The following WDR64 variants were observed in gnomAD, a reference collection of about 807,000 sequenced individuals.
WDR64 encodes WD repeat-containing protein 64.
WDR64 carries 112 observed loss-of-function variants against 139.3 expected under a neutral mutation model. That is an observed-to-expected ratio of 0.80 (90% confidence interval 0.69 to 0.94). The LOEUF is 0.94. Ranked by LOEUF, WDR64 falls within the 40% of genes least tolerant of loss-of-function variation. The probability of loss-of-function intolerance (pLI) is 0.00; values close to 1 mark genes in which losing one functional copy is unlikely to be tolerated. For synonymous variants in WDR64, 444 were observed against 437.7 expected, an observed-to-expected ratio of 1.01 and a Z score of -0.18; for missense variants, 1,206 against 1,293.1, an observed-to-expected ratio of 0.93 and a Z score of 1.03.
chr1:241,742,632 A>G (rs911775727), intron 12 of WDR64, among the ~76,000 whole-genome samples: 1 of 152,156 alleles, frequency 6.6e-6, no homozygotes, highest in East Asian at 1.9e-4. Flanking sequence ...TCAAGAAGTA[A>G]CCATAAAAAT....
intron 6 of WDR64, among the ~76,000 whole-genome samples, chr1:241,680,161 T>C (rs1227452591): frequency 6.6e-6 from 1 of 152,150 alleles, no homozygotes; most frequent in Non-Finnish European, 1.5e-5. Context: ...CAGCAAATTA[T>C]ATGGTGCAAC....
chr1:241,723,984 A>T (rs1008926681), intron 10 of WDR64, among the ~76,000 whole-genome samples: 6 of 151,996 alleles, frequency 3.9e-5, no homozygotes, highest in Admixed American at 1.3e-4. Context: ...AAATAAGGAA[A>T]TAAATAAATA....
chr1:241,759,951 T>C (rs989563459), intron 15 of WDR64, among the ~76,000 whole-genome samples: 1 of 152,232 alleles, frequency 6.6e-6, no homozygotes, highest in Admixed American at 6.5e-5. Flanking sequence ...GAGGATCTCA[T>C]ATAAGCAGAA....
At chr1:241,724,688 A>T (rs1668733020) in intron 10 of WDR64, among the ~76,000 whole-genome samples, 1 of 152,238 alleles carries the variant, frequency 6.6e-6, no homozygotes, top group African/African-American at 2.4e-5. Flanking sequence ...ATAGGTGAAT[A>T]GTCTTATAAC....
At chr1:241,686,186 C>A (rs1007370948) in intron 7 of WDR64, among the ~76,000 whole-genome samples, 2 of 152,142 alleles carry the variant, frequency 1.3e-5, no homozygotes. Context: ...GATCTTCAAA[C>A]CTCACCAGAA....
intron 16 of WDR64, 93 bp from the exon 17 acceptor site, chr1:241,769,310 GA>G (rs1457765082): frequency 2.2e-5 from 20 of 914,214 alleles, no homozygotes; most frequent in Non-Finnish European, 3.3e-5. Context: ...AGCATTTGAG[GA>G]ATTGCCTAGC....
At chr1:241,696,134 A>AAAAAAAAAAAAAAAAAAAAAC (rs1667476408) in intron 8 of WDR64, among the ~76,000 whole-genome samples, 2 of 148,406 alleles carry the variant, frequency 1.3e-5, no homozygotes, top group African/African-American at 2.5e-5. Context: ...AAAAAAAAAA[A>AAAAAAAAAAAAAAAAAAAAAC]AAAAAAAGCA....
At chr1:241,771,854 T>C (rs534114314) in intron 19 of WDR64, among the ~76,000 whole-genome samples, 157 bp downstream of exon 19, 1 of 146,770 alleles carries the variant, frequency 6.8e-6, no homozygotes, top group Non-Finnish European at 1.5e-5. Flanking sequence ...TATATACGTA[T>C]ATATAATATA....
intron 9 of WDR64, among the ~76,000 whole-genome samples, chr1:241,716,081 G>A (rs1338405355): frequency 1.1e-4 from 16 of 152,100 alleles, no homozygotes; most frequent in African/African-American, 3.9e-4. Flanking sequence ...AGTAGAAAAT[G>A]CAAATTCCCA....
At position 241,775,167 on chromosome 1, in the gene WDR64, G is replaced by A. The variant is rs776327500; in HGVS notation, c.2493G>A (p.Leu831=). The A allele has an allele frequency of 4.5e-6, 7 of 1,551,008 alleles. No individual in the cohort carries two copies. Among genetic ancestry groups the A allele is most frequent in the South Asian group, 3.6e-5 (3 of 84,026 alleles). Reference sequence around the variant, plus strand: ...ATTCTGCCATTTCTCTGACATCGCTGTATACTGATTCATGTACGAGGATAC... The same window carrying A: ...ATTCTGCCATTTCTCTGACATCGCTATATACTGATTCATGTACGAGGATAC... ...TKHSAISLTS[L]YTDSCTRILL... Residue 831 remains leucine, a synonymous_variant, in exon 21 of 28, where the codon CTG becomes CTA. Coordinates refer to ENST00000437684, the MANE Select transcript of WDR64 (RefSeq NM_001367482.1).
chr1:241,779,188 T>C (rs1449736102), intron 21 of WDR64, among the ~76,000 whole-genome samples: 3 of 152,298 alleles, frequency 2.0e-5, no homozygotes, highest in Non-Finnish European at 2.9e-5. Context: ...AATATTTCAC[T>C]CCACTCTTCT....
intron 3 of WDR64, among the ~76,000 whole-genome samples, chr1:241,672,391 AG>A (rs946929098): frequency 6.6e-6 from 1 of 152,214 alleles, no homozygotes; most frequent in African/African-American, 2.4e-5. Flanking sequence ...GCCCCAGAGC[AG>A]GGGAGAAGTG....
intron 23 of WDR64, among the ~76,000 whole-genome samples, chr1:241,785,659 T>A (rs1294806160): frequency 6.6e-6 from 1 of 152,234 alleles, no homozygotes; most frequent in East Asian, 1.9e-4. Context: ...CATCTATTAA[T>A]AGCTACCTCA....
chr1:241,723,236 A>T, intron 9 of WDR64, 61 bp from the exon 10 acceptor site: 1 of 1,591,588 alleles, frequency 6.3e-7, no homozygotes, highest in Admixed American at 1.7e-5. Context: ...ACAGTGAGAG[A>T]TACATTTGAA....
rs1471975484 is a variant in WDR64, at chr1:241,757,282, G to C, written c.1771-1G>C. 5 of 1,612,016 alleles carry C rather than the reference G, an allele frequency of 3.1e-6. No homozygotes were observed. The highest frequency in any genetic ancestry group is 4.2e-6 in the Non-Finnish European group (5 of 1,179,346). On this transcript the variant is annotated splice_acceptor_variant, in intron 14 of 27. Coordinates refer to ENST00000437684, the MANE Select transcript of WDR64 (RefSeq NM_001367482.1). LOFTEE classifies it high-confidence loss of function. ...ATGCACTCACTGGATTTCTGTTAAA[G>C]GGTAAGGAAGATGATATCTACCTCA... is the stretch of plus-strand genomic sequence containing the variant.
chr1:241,739,793 A>G (rs1669463366), intron 11 of WDR64, among the ~76,000 whole-genome samples: 1 of 152,244 alleles, frequency 6.6e-6, no homozygotes, highest in Non-Finnish European at 1.5e-5. Context: ...GTATTGTTCA[A>G]TCACCAAAAC....
chr1:241,717,627 A>G (rs1668454340), intron 9 of WDR64, among the ~76,000 whole-genome samples: 1 of 152,156 alleles, frequency 6.6e-6, no homozygotes, highest in Admixed American at 6.5e-5. Context: ...AAAGAAAAAA[A>G]AAAGAAAGAA....
intron 27 of WDR64, among the ~76,000 whole-genome samples, chr1:241,796,674 A>G (rs1659376256): frequency 1.3e-5 from 2 of 152,014 alleles, no homozygotes; most frequent in South Asian, 4.1e-4. Flanking sequence ...GTATTTTTTT[A>G]GTAGAGATGG....
At chr1:241,766,128 G>A in intron 15 of WDR64, 90 bp from the exon 16 acceptor site, 4 of 1,274,204 alleles carry the variant, frequency 3.1e-6, no homozygotes, top group Non-Finnish European at 4.2e-6. Context: ...TTTGTTTTAA[G>A]TTGATGACAA....
Sources: gnomAD v4.1 joint callset for allele counts (sites outside exome capture counted in the v4.1 genomes callset) on GRCh38, gnomAD v4.1.1 for gene constraint, MANE v1.5 for transcripts, NCBI Gene and HGNC (gene_info 2026-07-23, HGNC 2026-07-21) for gene names.